The following CNTLN variants were observed in gnomAD, a reference collection of about 807,000 sequenced individuals.
The protein encoded by CNTLN is centlein, centrosomal protein.
A neutral mutation model predicts 180.0 loss-of-function variants in CNTLN; 212 were observed. The observed-to-expected ratio is 1.18, with a 90% confidence interval of 1.05 to 1.32. CNTLN has a LOEUF of 1.32. Among genes scored for constraint, CNTLN ranks in the 40% most tolerant of loss-of-function variants. The probability of loss-of-function intolerance (pLI) is 0.00; values close to 1 mark genes in which losing one functional copy is unlikely to be tolerated. For synonymous variants in CNTLN, 722 were observed against 563.1 expected, an observed-to-expected ratio of 1.28 and a Z score of -3.99; for missense variants, 2,095 against 1,610.9, an observed-to-expected ratio of 1.30 and a Z score of -5.14.
intron 2 of CNTLN, among the ~76,000 whole-genome samples, chr9:17,159,979 T>C (rs1347550390): frequency 2.0e-5 from 3 of 152,168 alleles, no homozygotes; most frequent in Non-Finnish European, 4.4e-5. Context: ...TGCTCAATTT[T>C]GGGGTAATTT....
Position 17,321,953 on chromosome 9 carries a change from A to G in CNTLN, c.1342-8679A>G, listed in dbSNP as rs986336201. Among the ~76,000 whole-genome samples the G allele has an allele frequency of 2.6e-5, 4 of 152,148 alleles. 1 individual carries two copies. The highest frequency in any genetic ancestry group is 4.1e-4 in the South Asian group (2 of 4,832). ...TATTAGGTCAAGGTGCCACAAAGATAGTACTTTTATATTATGCTTATCATC... is the reference window on the plus strand; with the variant it reads ...TATTAGGTCAAGGTGCCACAAAGATGGTACTTTTATATTATGCTTATCATC... On this transcript the variant is annotated intron_variant, in intron 8 of 25. Transcript: ENST00000380647.
chr9:17,358,540 CACAT>C (rs1159846287), intron 12 of CNTLN, among the ~76,000 whole-genome samples: 3 of 152,064 alleles, frequency 2.0e-5, no homozygotes, highest in Middle Eastern at 3.2e-3. Context: ...ATACACTATA[CACAT>C]ACATATATCA....
intron 14 of CNTLN, among the ~76,000 whole-genome samples, chr9:17,390,235 CTTTTT>C (rs35329298): frequency 2.6e-5 from 2 of 77,396 alleles, no homozygotes; most frequent in South Asian, 5.4e-4. Flanking sequence ...AAAAGAGCCT[CTTTTT>C]TTTTTTTTTT....
chr9:17,216,715 C>G (rs1436272635), intron 2 of CNTLN, among the ~76,000 whole-genome samples: 1 of 152,144 alleles, frequency 6.6e-6, no homozygotes, highest in Non-Finnish European at 1.5e-5. Context: ...ACTACTGGGA[C>G]CACCTCCCTC....
chr9:17,263,612 T>C (rs10962968), intron 5 of CNTLN, among the ~76,000 whole-genome samples: 23,152 of 133,476 alleles, frequency 0.17, 2,599 homozygotes, highest in East Asian at 0.3. Context: ...CCTGAGGAAT[T>C]GCCACACTGA....
chr9:17,380,134 T>A (rs1825113677), intron 13 of CNTLN, among the ~76,000 whole-genome samples: 2 of 152,150 alleles, frequency 1.3e-5, no homozygotes, highest in South Asian at 4.1e-4. Flanking sequence ...CCATATTTTA[T>A]TTTCCCCCAT....
In CNTLN at chr9:17,466,881, C is replaced by T. The variant is rs904176584; in HGVS notation, c.3845C>T (p.Thr1282Ile). ...AATGAAAAAGTAGAAGAGTTCACCA[C>T]ATTTGTGAAGGTTTGAATTACTTGT... ...LANEKVEEFT[T>I]FVKALAKELQ... Residue 1282 changes from threonine to isoleucine, a missense_variant, in exon 23 of 26, where the codon ACA becomes ATA. Physicochemically the swap from Thr to Ile is moderately conservative, Grantham distance 89. Transcript: ENST00000380647. 13 of 1,607,786 alleles carry T rather than the reference C, an allele frequency of 8.1e-6. No individual in the cohort carries two copies. The African/African-American group carries it at 1.3e-4, about 17-fold the overall frequency.
At chr9:17,203,716 C>A (rs1245925295) in intron 2 of CNTLN, among the ~76,000 whole-genome samples, 1 of 152,098 alleles carries the variant, frequency 6.6e-6, no homozygotes, top group African/African-American at 2.4e-5. Flanking sequence ...GCCACCACGC[C>A]CGGCTAATTT....
chr9:17,484,250 A>C (rs752042359), intron 23 of CNTLN, 45 bp from the exon 24 acceptor site: 1 of 1,442,684 alleles, frequency 6.9e-7, no homozygotes, highest in Admixed American at 2.3e-5. Flanking sequence ...CTTTGTCTTC[A>C]TTATGACTTT....
intron 23 of CNTLN, among the ~76,000 whole-genome samples, chr9:17,472,059 G>A (rs778008712): frequency 2.0e-5 from 3 of 152,050 alleles, no homozygotes; most frequent in Non-Finnish European, 4.4e-5. Flanking sequence ...CATGCATTAT[G>A]AAGTATATTT....
At chr9:17,419,919 T>G (rs1828574820) in intron 18 of CNTLN, among the ~76,000 whole-genome samples, 1 of 152,148 alleles carries the variant, frequency 6.6e-6, no homozygotes, top group African/African-American at 2.4e-5. Flanking sequence ...TAGTATAGTT[T>G]TTTGTTTGTT....
intron 12 of CNTLN, among the ~76,000 whole-genome samples, chr9:17,343,794 C>T (rs975970746): frequency 6.6e-6 from 1 of 152,122 alleles, no homozygotes; most frequent in Non-Finnish European, 1.5e-5. Context: ...CCCCCCGCTA[C>T]TCTCCCCACC....
At chr9:17,347,971 A>G (rs1033008949) in intron 12 of CNTLN, among the ~76,000 whole-genome samples, 7 of 152,012 alleles carry the variant, frequency 4.6e-5, no homozygotes, top group Admixed American at 1.3e-4. Flanking sequence ...AGCTGGGGCT[A>G]TAGATGCTAG....
rs754428987 is a variant in CNTLN at position 17,135,191 on chromosome 9, C to G, written c.126C>G (p.Ala42=). 4.3e-6 allele frequency: 7 copies of G among 1,610,220 alleles called. No homozygotes were observed. The highest frequency in any genetic ancestry group is 5.9e-6 in the Non-Finnish European group (7 of 1,178,830). ...TGCGCAGCGAGGCCTCGGGTTTTGCCGGCGCAGCGCGGGAGGTGGTCGCGG... is the reference window on the plus strand; with the variant it reads ...TGCGCAGCGAGGCCTCGGGTTTTGCGGGCGCAGCGCGGGAGGTGGTCGCGG... ...HAMRSEASGF[A]GAAREVVADE... The change falls in exon 1 of 26, where the codon GCC becomes GCG. Residue 42 remains alanine, a synonymous_variant. Coordinates refer to ENST00000380647, the MANE Select transcript of CNTLN (RefSeq NM_017738.4).
rs1434670359 is a variant in CNTLN, at chr9:17,309,095, A to C, written c.1184A>C (p.Lys395Thr). 1 of 1,596,404 alleles carries C rather than the reference A, an allele frequency of 6.3e-7. No homozygotes were observed. Among genetic ancestry groups the C allele is most frequent in the Non-Finnish European group, 8.5e-7 (1 of 1,174,844 alleles). Residue 395 changes from lysine (K) to threonine (T), a missense_variant, in exon 8 of 26, where the codon AAA becomes ACA. Coordinates refer to ENST00000380647, the MANE Select transcript of CNTLN (RefSeq NM_017738.4). The stretch of plus-strand genomic sequence containing the variant: ...TTACATATTTGTTTTGAAACCACAA[A>C]ATCAAATGAAGCTATGCTCCGGCAA... ...NELHICFETTKSNEAMLRQSV... is the reference protein window; with the variant it reads ...NELHICFETTTSNEAMLRQSV...
intron 5 of CNTLN, among the ~76,000 whole-genome samples, chr9:17,245,445 T>C (rs1289997299): frequency 7.2e-5 from 11 of 151,848 alleles, no homozygotes; most frequent in Admixed American, 6.6e-4. Context: ...TTTGTGTTTT[T>C]TTTTTTTTTC....
At chr9:17,219,183 C>A (rs1162516362) in intron 2 of CNTLN, among the ~76,000 whole-genome samples, 1 of 151,570 alleles carries the variant, frequency 6.6e-6, no homozygotes, top group Admixed American at 6.6e-5. Flanking sequence ...TTCTAATTAG[C>A]TAAACAGGAG....
chr9:17,182,720 C>T (rs1821196433), intron 2 of CNTLN, among the ~76,000 whole-genome samples: 1 of 152,156 alleles, frequency 6.6e-6, no homozygotes, highest in South Asian at 2.1e-4. Context: ...TTCTCTTACC[C>T]TTATATACCA....
intron 5 of CNTLN, among the ~76,000 whole-genome samples, chr9:17,269,439 G>T (rs10962988): frequency 0.53 from 79,998 of 151,792 alleles, 22,367 homozygotes; most frequent in South Asian, 0.77. Flanking sequence ...CTGCATCCCA[G>T]AAGTTTTGGT....
Sources: gnomAD v4.1 joint callset for allele counts (sites outside exome capture counted in the v4.1 genomes callset) on GRCh38, gnomAD v4.1.1 for gene constraint, MANE v1.5 for transcripts, NCBI Gene and HGNC (gene_info 2026-07-23, HGNC 2026-07-21) for gene names.